RARB: variants seen among roughly 807,000 people sequenced by gnomAD.
RARB encodes the protein HBV-activated protein.
Under a neutral mutation model 51.9 loss-of-function variants are expected in RARB, and 17 were observed. The observed-to-expected ratio is 0.33, with a 90% CI of 0.22 to 0.49. The LOEUF (loss-of-function observed/expected upper bound fraction) is 0.49, where lower values mean the gene tolerates loss of function less well. Among genes scored for constraint, RARB ranks in the 20% least tolerant of loss-of-function variants. The pLI, the probability that RARB is intolerant of heterozygous loss-of-function variation, is 0.99. For missense variants in RARB, 369 were observed against 550.8 expected, an observed-to-expected ratio of 0.67 and a Z score of 3.30; for synonymous variants, 215 against 195.4, an observed-to-expected ratio of 1.10 and a Z score of -0.84.
intron 4 of RARB, among the ~76,000 whole-genome samples, chr3:25,158,512 G>A (rs1009633117): frequency 1.3e-5 from 2 of 152,090 alleles, no homozygotes; most frequent in Non-Finnish European, 2.9e-5. Context: ...TGCCTTTGTA[G>A]CAAGTATTGG....
At chr3:25,567,577 T>G (rs1386374757) in intron 3 of RARB, among the ~76,000 whole-genome samples, 2 of 152,330 alleles carry the variant, frequency 1.3e-5, no homozygotes, top group South Asian at 2.1e-4. Flanking sequence ...TTTCCACTTT[T>G]CAACTGCCGT....
chr3:25,041,615 C>T (rs190697758), intron 2 of RARB, among the ~76,000 whole-genome samples: 9 of 151,704 alleles, frequency 5.9e-5, no homozygotes, highest in African/African-American at 2.2e-4. Context: ...AATTCTCCAG[C>T]TAAGAATGTT....
At chr3:24,925,668 A>AAAT (rs1695306112) in intron 2 of RARB, among the ~76,000 whole-genome samples, 1 of 151,050 alleles carries the variant, frequency 6.6e-6, no homozygotes, top group East Asian at 2.0e-4. Context: ...AAAAAAAAAA[A>AAAT]AAAAAGCTTA....
intron 4 of RARB, among the ~76,000 whole-genome samples, chr3:25,144,631 A>C (rs1037481018): frequency 1.3e-5 from 2 of 152,214 alleles, no homozygotes; most frequent in African/African-American, 4.8e-5. Flanking sequence ...GGTGCTTAAC[A>C]AGCTTATTTG....
intron 3 of RARB, among the ~76,000 whole-genome samples, chr3:25,118,021 T>C (rs1426517429): frequency 6.6e-6 from 1 of 152,188 alleles, no homozygotes; most frequent in Non-Finnish European, 1.5e-5. Context: ...CTGAGCTTTC[T>C]AGCAGTCCAA....
intron 3 of RARB, among the ~76,000 whole-genome samples, chr3:25,078,185 C>T (rs1575149880): frequency 1.3e-5 from 2 of 151,934 alleles, no homozygotes; most frequent in Non-Finnish European, 2.9e-5. Context: ...TTTTTCTATT[C>T]TAAGAAATCT....
At chr3:25,359,568 G>C (rs768230476) in intron 5 of RARB, among the ~76,000 whole-genome samples, 4 of 152,148 alleles carry the variant, frequency 2.6e-5, no homozygotes, top group Non-Finnish European at 4.4e-5. Context: ...TGTGATGTTA[G>C]AGTGTTGATT....
chr3:24,947,395 G>A (rs1426197548), intron 2 of RARB, among the ~76,000 whole-genome samples: 1 of 152,176 alleles, frequency 6.6e-6, no homozygotes, highest in Non-Finnish European at 1.5e-5. Flanking sequence ...CATTGGAAAA[G>A]GTAATTCACA....
intron 5 of RARB, among the ~76,000 whole-genome samples, chr3:25,339,388 A>T (rs1705155725): frequency 6.6e-6 from 1 of 152,184 alleles, no homozygotes; most frequent in Admixed American, 6.5e-5. Context: ...TAGGGCAAAC[A>T]CTGAGCTGTA....
intron 3 of RARB, among the ~76,000 whole-genome samples, chr3:25,522,138 C>T (rs1698427471): frequency 6.6e-6 from 1 of 151,786 alleles, no homozygotes; most frequent in Non-Finnish European, 1.5e-5. Context: ...AAACAAAATA[C>T]TTCAAGCAGA....
intron 2 of RARB, among the ~76,000 whole-genome samples, chr3:25,006,185 C>T (rs1697268950): frequency 6.6e-6 from 1 of 152,134 alleles, no homozygotes; most frequent in Non-Finnish European, 1.5e-5. Context: ...TCTCCCTTTA[C>T]ATTGCTTCAT....
At chr3:24,980,442 C>T (rs1696632617) in intron 2 of RARB, among the ~76,000 whole-genome samples, 1 of 152,160 alleles carries the variant, frequency 6.6e-6, no homozygotes, top group African/African-American at 2.4e-5. Flanking sequence ...CACATAGTCC[C>T]ATATTTCTTG....
intron 5 of RARB, among the ~76,000 whole-genome samples, chr3:25,337,836 A>G (rs950043982): frequency 2.6e-5 from 4 of 152,082 alleles, no homozygotes; most frequent in African/African-American, 9.7e-5. Flanking sequence ...TTCCCTGTCT[A>G]CATCCCCAGA....
At chr3:25,317,085 G>GATAAGTATTATAAGTATTATAAGTATTA (rs1704447280) in intron 5 of RARB, among the ~76,000 whole-genome samples, 1 of 151,220 alleles carries the variant, frequency 6.6e-6, no homozygotes, top group Non-Finnish European at 1.5e-5. Flanking sequence ...TATAAGTCGT[G>GATAAGTATTATAAGTATTATAAGTATTA]TAAAAGAATA....
At chr3:25,495,569 C>G (rs1314505847) in intron 2 of RARB, among the ~76,000 whole-genome samples, 1 of 152,182 alleles carries the variant, frequency 6.6e-6, no homozygotes, top group African/African-American at 2.4e-5. Context: ...CCAAATGGCT[C>G]TAATGCATAT....
At chr3:25,476,854 C>G (rs1031362553) in intron 2 of RARB, among the ~76,000 whole-genome samples, 1 of 152,200 alleles carries the variant, frequency 6.6e-6, no homozygotes, top group African/African-American at 2.4e-5. Context: ...GAATAGTTTA[C>G]TTAGTCACTG....
intron 5 of RARB, among the ~76,000 whole-genome samples, chr3:25,395,300 A>G (rs1223644616): frequency 6.6e-6 from 1 of 152,202 alleles, no homozygotes; most frequent in African/African-American, 2.4e-5. Context: ...TTCACAAGTT[A>G]CCTGACGCTT....
At chr3:25,340,723 GCT>G (rs1276428319) in intron 5 of RARB, among the ~76,000 whole-genome samples, 1 of 152,186 alleles carries the variant, frequency 6.6e-6, no homozygotes, top group Non-Finnish European at 1.5e-5. Context: ...TTAGGGGGAA[GCT>G]CTGTCTGGAG....
At chr3:24,892,798 C>T (rs1437611832) in intron 2 of RARB, among the ~76,000 whole-genome samples, 2 of 152,054 alleles carry the variant, frequency 1.3e-5, no homozygotes, top group East Asian at 1.9e-4. Flanking sequence ...GGAGACATAC[C>T]CCTCAAACAT....
Sources: allele counts gnomAD v4.1 joint callset (sites outside exome capture counted in the v4.1 genomes callset), GRCh38; gene constraint gnomAD v4.1.1; transcripts MANE v1.5; gene names NCBI Gene and HGNC (gene_info 2026-07-23, HGNC 2026-07-21).